Variants in PWWP2B observed in about 807,000 individuals in gnomAD.
The protein encoded by PWWP2B is PWWP domain containing 2B.
In PWWP2B, 9 loss-of-function variants were observed where a neutral mutation model predicts 15.5. The observed-to-expected ratio is 0.58, with a 90% CI of 0.35 to 1.02. The LOEUF is 1.02. PWWP2B is among the 50% of genes least tolerant of loss of function. The pLI is 0.02. For missense variants in PWWP2B, 864 were observed against 865.3 expected, an observed-to-expected ratio of 1.00 and a Z score of 0.02; for synonymous variants, 474 against 403.6, an observed-to-expected ratio of 1.17 and a Z score of -2.09.
chr10:132,400,219 C>T (rs995329929), intron 1 of PWWP2B, among the ~76,000 whole-genome samples: 3 of 152,150 alleles, frequency 2.0e-5, no homozygotes, highest in African/African-American at 7.2e-5. Context: ...GTGAGAGGGA[C>T]ACAGGCCTAG....
intron 2 of PWWP2B, among the ~76,000 whole-genome samples, chr10:132,408,094 C>T (rs1471945569): frequency 6.6e-6 from 1 of 152,232 alleles, no homozygotes; most frequent in Non-Finnish European, 1.5e-5. Flanking sequence ...GGTTTGCCTG[C>T]CTCCACGGGG....
In PWWP2B at chr10:132,417,189, CG is replaced by C; in HGVS notation, c.*149del. The C allele has an allele frequency of 1.6e-6, 2 of 1,218,674 alleles. No homozygotes were observed. Among genetic ancestry groups the C allele is most frequent in the Non-Finnish European group, 1.2e-6 (1 of 827,964 alleles). 75.5% of individuals were successfully genotyped at this position (1,218,674 alleles called of 1,614,324 possible). On this transcript the variant is annotated 3_prime_UTR_variant, in exon 3 of 3. Coordinates refer to ENST00000305233, the MANE Select transcript of PWWP2B (RefSeq NM_138499.4). The stretch of plus-strand genomic sequence containing the variant: ...GTGGTCGGCCTGGTGTGAGGCCCCC[CG>C]GGGACCGGCAGTGTGTCCAGGGAGG...
At chr10:132,415,429 A>G (rs1449984328) in intron 2 of PWWP2B, among the ~76,000 whole-genome samples, 1 of 148,268 alleles carries the variant, frequency 6.7e-6, no homozygotes, top group African/African-American at 2.5e-5. Flanking sequence ...ACACACGCAC[A>G]CATGCACTCT....
chr10:132,406,229 G>C lies in PWWP2B; in HGVS notation c.1729G>C (p.Val577Leu). The part of the protein sequence containing the change: ...ITEAANAARH[V>L]APEIRELLTQ... ...CGAGGCTGCAAATGCCGCAAGACAC[G>C]TGGCCCCGGAAATCAGGGAGCTCTT... The change falls in exon 2 of 3, where the codon GTG (valine) becomes CTG (leucine). Residue 577 changes from valine to leucine, a missense_variant. Val to Leu is a conservative substitution (Grantham distance 32). This residue lies in a region of PWWP2B where 128 missense variants were observed against 177.6 expected (regional missense o/e 0.72). Coordinates refer to ENST00000305233, the MANE Select transcript of PWWP2B (RefSeq NM_138499.4). 2 of 1,611,624 alleles carry C rather than the reference G, an allele frequency of 1.2e-6. No homozygotes were observed. The highest frequency in any genetic ancestry group is 8.5e-7 in the Non-Finnish European group (1 of 1,178,754).
Position 132,405,798 on chromosome 10 carries a change from C to T in PWWP2B, c.1298C>T (p.Ser433Leu), listed in dbSNP as rs572013115. The T allele has an allele frequency of 4.7e-5, 75 of 1,607,438 alleles. 1 individual carries two copies. Among genetic ancestry groups the T allele is most frequent in the Admixed American group, 3.5e-4 (21 of 60,000 alleles). ...CSSDSLDEAR[S>L]SGSEGTPADT... ...AGCGACAGCCTGGACGAGGCCAGAT[C>T]GTCCGGCTCGGAAGGGACGCCGGCA... Residue 433 changes from serine to leucine, a missense_variant, in exon 2 of 3, where the codon TCG becomes TTG. Physicochemically the swap from Ser to Leu is moderately radical, Grantham distance 145. This residue lies in a region of PWWP2B where 736 missense variants were observed against 687.7 expected (regional missense o/e 1.07). Transcript: ENST00000305233.
In PWWP2B at chr10:132,404,898, G is replaced by A. The variant is rs762606869; in HGVS notation, c.398G>A (p.Arg133Gln). Reference protein sequence around the residue: ...GAPFPHPLWLRDTYKLWVPQP... With the variant: ...GAPFPHPLWLQDTYKLWVPQP... ...CCCTTCCCTCACCCGCTGTGGCTCCGGGACACGTACAAGCTGTGGGTGCCC... is the reference window on the plus strand; with the variant it reads ...CCCTTCCCTCACCCGCTGTGGCTCCAGGACACGTACAAGCTGTGGGTGCCC... The change falls in exon 2 of 3, where the codon CGG becomes CAG. Residue 133 changes from arginine to glutamine, a missense_variant. By Grantham distance (43) the Arg-to-Gln change is conservative. Transcript: ENST00000305233. The A allele has an allele frequency of 8.2e-6, 13 of 1,593,266 alleles. No individual in the cohort carries two copies. The highest frequency in any genetic ancestry group is 6.7e-5 in the East Asian group (3 of 44,664).
rs142401711 is a variant in PWWP2B at position 132,406,204 on chromosome 10, C to G, written c.1704C>G (p.Thr568=). Residue 568 remains threonine (T), a synonymous_variant, in exon 2 of 3, where the codon ACC becomes ACG. Coordinates refer to ENST00000305233, the MANE Select transcript of PWWP2B (RefSeq NM_138499.4). ...KKKGMYRKAI[T]EAANAARHVA... ...AGGGGATGTATCGGAAAGCTATAAC[C>G]GAGGCTGCAAATGCCGCAAGACACG... 1.2e-6 allele frequency: 2 copies of G among 1,613,008 alleles called. No homozygotes were observed. The highest frequency in any genetic ancestry group is 2.7e-5 in the African/African-American group (2 of 74,942).
At chr10:132,415,270 A>G (rs2069830516) in intron 2 of PWWP2B, among the ~76,000 whole-genome samples, 1 of 149,394 alleles carries the variant, frequency 6.7e-6, no homozygotes, top group Non-Finnish European at 1.5e-5. Flanking sequence ...CCGCTCACAC[A>G]TTCACATCCA....
intron 1 of PWWP2B, among the ~76,000 whole-genome samples, chr10:132,399,897 T>G (rs1164478369): frequency 6.6e-6 from 1 of 152,200 alleles, no homozygotes; most frequent in African/African-American, 2.4e-5. Flanking sequence ...CCTGGCTCCA[T>G]CTCTGAGCTG....
At position 132,397,334 on chromosome 10, in the gene PWWP2B, G is replaced by T; in HGVS notation, c.108G>T (p.Leu36=). ...SCGERSFAGI[L]LDCTKKSGLF... is the part of the protein sequence containing the mutation. ...GCGAGCGGAGCTTCGCGGGGATCCTGCTGGACTGCACGAAAAAGTGAGCGG... is the reference window on the plus strand; with the variant it reads ...GCGAGCGGAGCTTCGCGGGGATCCTTCTGGACTGCACGAAAAAGTGAGCGG... Residue 36 remains leucine (L), a synonymous_variant, in exon 1 of 3, where the codon CTG becomes CTT. Coordinates refer to ENST00000305233, the MANE Select transcript of PWWP2B (RefSeq NM_138499.4). 2 of 1,393,004 alleles carry T rather than the reference G, an allele frequency of 1.4e-6. No individual in the cohort carries two copies. Among genetic ancestry groups the T allele is most frequent in the South Asian group, 3.5e-5 (2 of 56,418 alleles). The allele number at this position is 1,393,004 out of a possible 1,614,324, so 86.3% of individuals were successfully genotyped here.
At chr10:132,413,186 G>A (rs1432803704) in intron 2 of PWWP2B, among the ~76,000 whole-genome samples, 2 of 152,158 alleles carry the variant, frequency 1.3e-5, no homozygotes, top group Non-Finnish European at 2.9e-5. Context: ...AAATCTTGAC[G>A]TTTAATGTTA....
chr10:132,413,558 C>T (rs530246609), intron 2 of PWWP2B, among the ~76,000 whole-genome samples: 1 of 152,320 alleles, frequency 6.6e-6, no homozygotes, highest in South Asian at 2.1e-4. Context: ...GGAGACTCCT[C>T]GTTTTTTTAA....
At position 132,404,735 on chromosome 10, in the gene PWWP2B, C is replaced by G. The variant is rs1229821140; in HGVS notation, c.235C>G (p.Gln79Glu). Residue 79 changes from glutamine (Q) to glutamate (E), a missense_variant, in exon 2 of 3, where the codon CAG (glutamine) becomes GAG (glutamate). Coordinates refer to ENST00000305233, the MANE Select transcript of PWWP2B (RefSeq NM_138499.4). ...APEEGDAEVM[Q>E]LGSSSPPPAR... ...CGAGGAGGGGGATGCAGAGGTGATG[C>G]AGCTGGGGTCCAGCTCCCCCCCTCC... The G allele has an allele frequency of 1.2e-6, 2 of 1,607,712 alleles. No individual in the cohort carries two copies. The highest frequency in any genetic ancestry group is 3.3e-5 in the Admixed American group (2 of 59,794).
intron 1 of PWWP2B, among the ~76,000 whole-genome samples, chr10:132,402,262 C>T (rs118037077): frequency 6.6e-6 from 1 of 152,376 alleles, no homozygotes; most frequent in East Asian, 1.9e-4. Flanking sequence ...AGTCCACAAC[C>T]CCGAGTGGTC....
intron 2 of PWWP2B, among the ~76,000 whole-genome samples, chr10:132,412,156 G>A (rs2069789822): frequency 6.6e-6 from 1 of 152,238 alleles, no homozygotes; most frequent in South Asian, 2.1e-4. Context: ...GTTTGGAGTT[G>A]CTTCTCAGGG....
chr10:132,408,179 C>T (rs2069726868), intron 2 of PWWP2B, among the ~76,000 whole-genome samples: 1 of 152,350 alleles, frequency 6.6e-6, no homozygotes, highest in East Asian at 1.9e-4. Flanking sequence ...ATCCTTTCAG[C>T]ACCAAAGCGC....
Position 132,404,797 on chromosome 10 carries a change from C to CCCG in PWWP2B, c.297_298insCCG (p.Pro99dup). The CCCG allele has an allele frequency of 6.6e-7, 1 of 1,516,082 alleles. No individual in the cohort carries two copies. The highest frequency in any genetic ancestry group is 9.0e-7 in the Non-Finnish European group (1 of 1,116,892). 93.9% of individuals were successfully genotyped at this position (1,516,082 alleles called of 1,614,324 possible). ...TTCAGCCCCCCGAGACCACCCGCCC[C>CCCG]GAGCCACCCCCGCCCCTCGTGCCGC... On this transcript the variant is annotated inframe_insertion, in exon 2 of 3. Coordinates refer to ENST00000305233, the MANE Select transcript of PWWP2B (RefSeq NM_138499.4).
At chr10:132,407,064 G>T (rs1212936498) in intron 2 of PWWP2B, among the ~76,000 whole-genome samples, 1 of 152,184 alleles carries the variant, frequency 6.6e-6, no homozygotes, top group Non-Finnish European at 1.5e-5. Context: ...GTGTGGAGGT[G>T]TGGGGGTGTC....
At chr10:132,406,862 AT>A (rs1311787319) in intron 2 of PWWP2B, among the ~76,000 whole-genome samples, 1 of 151,942 alleles carries the variant, frequency 6.6e-6, no homozygotes, top group Non-Finnish European at 1.5e-5. Context: ...GACCCCCCAA[AT>A]CTTCCTCCTG....
Sources: allele counts gnomAD v4.1 joint callset (sites outside exome capture counted in the v4.1 genomes callset), GRCh38; gene constraint gnomAD v4.1.1; regional missense constraint gnomAD v4.1.1; transcripts MANE v1.5; gene names NCBI Gene and HGNC (gene_info 2026-07-23, HGNC 2026-07-21).